Variants in PDSS2 observed in about 807,000 individuals in gnomAD.
PDSS2 encodes the protein decaprenyl diphosphate synthase subunit 2.
Under a neutral mutation model 44.5 loss-of-function variants are expected in PDSS2, and 31 were observed. The ratio of observed to expected loss-of-function variants is 0.70; its 90% CI spans 0.52 to 0.94. PDSS2 has a LOEUF of 0.94. PDSS2 is among the 40% of genes least tolerant of loss of function. PDSS2 has a pLI of 0.00. For synonymous variants in PDSS2, 157 were observed against 180.3 expected (o/e 0.87, Z 1.03); for missense variants, 452 against 482.2 (o/e 0.94, Z 0.59).
chr6:107,210,153 C>G (rs1426584067), intron 6 of PDSS2, among the ~76,000 whole-genome samples: 1 of 151,830 alleles, frequency 6.6e-6, no homozygotes, highest in African/African-American at 2.4e-5. Flanking sequence ...TTTTTGAAAG[C>G]CTTTAGAAAA....
At chr6:107,261,171 C>A (rs1469326670) in intron 3 of PDSS2, among the ~76,000 whole-genome samples, 1 of 152,214 alleles carries the variant, frequency 6.6e-6, no homozygotes, top group Admixed American at 6.5e-5. Flanking sequence ...TCTTCTCCAT[C>A]TATCCTTTCT....
chr6:107,395,081 C>CT (rs148156569), intron 1 of PDSS2, among the ~76,000 whole-genome samples: 2,764 of 151,812 alleles, frequency 0.018, 73 homozygotes, highest in East Asian at 0.13. Flanking sequence ...AGGTTGACAG[C>CT]TTTGTTTTTC....
chr6:107,292,362 T>A (rs149302678), intron 2 of PDSS2, among the ~76,000 whole-genome samples: 175 of 152,326 alleles, frequency 1.1e-3, no homozygotes, highest in African/African-American at 4.0e-3. Context: ...TCCTCCCCTC[T>A]TGATTTATTT....
At chr6:107,254,637 G>A (rs962082134) in intron 3 of PDSS2, among the ~76,000 whole-genome samples, 8 of 152,078 alleles carry the variant, frequency 5.3e-5, no homozygotes, top group Non-Finnish European at 7.4e-5. Context: ...CGACACTGCC[G>A]CATGTTGTTC....
intron 7 of PDSS2, among the ~76,000 whole-genome samples, chr6:107,178,045 T>C (rs74915140): frequency 1.4e-4 from 21 of 152,330 alleles, no homozygotes; most frequent in Middle Eastern, 3.4e-3. Flanking sequence ...CCAATTTTCA[T>C]GTGCTTTAGT....
intron 1 of PDSS2, among the ~76,000 whole-genome samples, chr6:107,358,823 AC>A (rs1284914450): frequency 6.6e-6 from 1 of 151,958 alleles, no homozygotes; most frequent in Non-Finnish European, 1.5e-5. Context: ...TGCCAATAGC[AC>A]CCCCAGTTGT....
chr6:107,325,430 A>C (rs1321631022), intron 2 of PDSS2, among the ~76,000 whole-genome samples: 1 of 152,330 alleles, frequency 6.6e-6, no homozygotes, highest in African/African-American at 2.4e-5. Flanking sequence ...AATCAATTGA[A>C]TACACCGAGT....
chr6:107,348,932 C>T (rs1244054434), intron 1 of PDSS2, among the ~76,000 whole-genome samples: 1 of 152,204 alleles, frequency 6.6e-6, no homozygotes, highest in East Asian at 1.9e-4. Context: ...GAAACTGAGA[C>T]ACAAGGAAGT....
chr6:107,355,592 C>T (rs1237609074), intron 1 of PDSS2, among the ~76,000 whole-genome samples: 1 of 152,108 alleles, frequency 6.6e-6, no homozygotes, highest in Non-Finnish European at 1.5e-5. Flanking sequence ...AAGCTCACCA[C>T]CCCAAAAAAG....
rs139302359 is a variant in PDSS2 at position 107,205,660 on chromosome 6, G to A, written c.1008+4779C>T. Among the ~76,000 whole-genome samples, 4 of 152,232 alleles carry A rather than the reference G, an allele frequency of 2.6e-5. No individual in the cohort carries two copies. In the East Asian group the frequency reaches 5.8e-4, roughly 22 times the overall value. On this transcript the variant is annotated intron_variant, in intron 6 of 7. Transcript: ENST00000369037. ...CAGCAAATGTTTTTCAGCTGTTTCC[G>A]GTCTTAACTGCCTTTTGTGAAAGAG...
At chr6:107,235,984 C>T (rs1365910437) in intron 4 of PDSS2, among the ~76,000 whole-genome samples, 1 of 151,758 alleles carries the variant, frequency 6.6e-6, no homozygotes, top group Non-Finnish European at 1.5e-5. Context: ...ATTGAGGTCC[C>T]TATAAAAGAG....
chr6:107,335,551 G>A (rs1777859651), intron 1 of PDSS2, among the ~76,000 whole-genome samples: 1 of 152,110 alleles, frequency 6.6e-6, no homozygotes, highest in Non-Finnish European at 1.5e-5. Context: ...TATAATTCTA[G>A]GCAACAACAA....
intron 4 of PDSS2, among the ~76,000 whole-genome samples, chr6:107,232,130 G>A (rs1774072891): frequency 6.6e-6 from 1 of 152,146 alleles, no homozygotes; most frequent in Admixed American, 6.6e-5. Context: ...CAGTCCTAGA[G>A]TAATAACTAA....
chr6:107,402,649 T>G (rs1255771143), intron 1 of PDSS2, among the ~76,000 whole-genome samples: 1 of 150,104 alleles, frequency 6.7e-6, no homozygotes, highest in African/African-American at 2.5e-5. Context: ...AGCAAAGGCA[T>G]GTCTTACATG....
rs1011961247 is a variant in PDSS2 at position 107,405,576 on chromosome 6, G to A, written c.296+53414C>T. 8.5e-5 allele frequency among the ~76,000 whole-genome samples: 13 copies of A among 152,166 alleles called. 1 individual carries two copies. In the South Asian group the frequency reaches 2.3e-3, roughly 27 times the overall value. On this transcript the variant is annotated intron_variant, in intron 1 of 7. Transcript: ENST00000369037. ...CTTAAAAGATACAGAGGCCGGGCGCGGTGGCTCACGCCTGTAATCCCAGCA... is the reference window on the plus strand; with the variant it reads ...CTTAAAAGATACAGAGGCCGGGCGCAGTGGCTCACGCCTGTAATCCCAGCA...
At chr6:107,232,183 A>T (rs1774075265) in intron 4 of PDSS2, among the ~76,000 whole-genome samples, 2 of 152,166 alleles carry the variant, frequency 1.3e-5, no homozygotes, top group African/African-American at 2.4e-5. Context: ...TCCTTTCCTT[A>T]GTTAGATTTA....
chr6:107,164,248 T>A (rs1450127534), intron 7 of PDSS2, among the ~76,000 whole-genome samples: 9 of 152,180 alleles, frequency 5.9e-5, no homozygotes, highest in African/African-American at 2.2e-4. Flanking sequence ...ACATGTGCCA[T>A]GTTGGTGTGC....
At chr6:107,453,458 GA>G (rs748000071) in intron 1 of PDSS2, among the ~76,000 whole-genome samples, 41 of 143,954 alleles carry the variant, frequency 2.8e-4, no homozygotes, top group Admixed American at 5.5e-4. Context: ...TTTAGAGAAA[GA>G]AAAAAAAAAA....
At chr6:107,452,556 A>G (rs934380296) in intron 1 of PDSS2, among the ~76,000 whole-genome samples, 1 of 151,998 alleles carries the variant, frequency 6.6e-6, no homozygotes, top group Non-Finnish European at 1.5e-5. Context: ...ATTTCTTTAC[A>G]TAACCTGGAT....
Sources: allele counts gnomAD v4.1 joint callset (sites outside exome capture counted in the v4.1 genomes callset), GRCh38; gene constraint gnomAD v4.1.1; transcripts MANE v1.5; gene names NCBI Gene and HGNC (gene_info 2026-07-23, HGNC 2026-07-21).